EFCAB11: variants seen among roughly 807,000 people sequenced by gnomAD.
The protein encoded by EFCAB11 is EF-hand calcium-binding domain-containing protein 11.
Under a neutral mutation model 23.0 loss-of-function variants are expected in EFCAB11, and 14 were observed. The ratio of observed to expected loss-of-function variants is 0.61; its 90% confidence interval spans 0.40 to 0.95. EFCAB11 has a LOEUF of 0.95. Ranked by LOEUF, EFCAB11 falls within the 40% of genes least tolerant of loss-of-function variation. EFCAB11 has a pLI of 0.00. For missense variants in EFCAB11, 198 were observed against 195.8 expected (o/e 1.01, Z -0.07); for synonymous variants, 65 against 66.6 (o/e 0.98, Z 0.11).
At chr14:89,846,543 C>A (rs1005436983) in intron 5 of EFCAB11, among the ~76,000 whole-genome samples, 7 of 152,192 alleles carry the variant, frequency 4.6e-5, no homozygotes, top group African/African-American at 1.7e-4. Context: ...AACAATTGAT[C>A]TCTGATGGCA....
At chr14:89,923,765 A>C (rs1890093820) in intron 5 of EFCAB11, 1 of 985,448 alleles carries the variant, frequency 1.0e-6, no homozygotes, top group Middle Eastern at 5.2e-4. Flanking sequence ...ATCATTCTGA[A>C]GCACAAAATA....
At chr14:89,834,663 A>C (rs1436262866) in intron 5 of EFCAB11, among the ~76,000 whole-genome samples, 1 of 152,226 alleles carries the variant, frequency 6.6e-6, no homozygotes, top group African/African-American at 2.4e-5. Flanking sequence ...AAGAGTGCCC[A>C]ATACTGCAAG....
intron 5 of EFCAB11, among the ~76,000 whole-genome samples, chr14:89,921,063 T>TAAAAAAAAAAAAAAAAAAAAAAAAAAA (rs199585363): frequency 9.0e-6 from 1 of 111,566 alleles, no homozygotes; most frequent in African/African-American, 5.0e-5. Context: ...AGACTCTGTC[T>TAAAAAAAAAAAAAAAAAAAAAAAAAAA]AAAAAAAAAA....
chr14:89,954,762 C>T (rs1596477509), upstream of EFCAB11: 2 of 1,495,030 alleles, frequency 1.3e-6, no homozygotes, highest in South Asian at 1.3e-5. Context: ...GCTCAGGAAG[C>T]CGAACTTCAC....
At chr14:89,817,814 C>T (rs1002481834) in intron 5 of EFCAB11, among the ~76,000 whole-genome samples, 2 of 151,802 alleles carry the variant, frequency 1.3e-5, no homozygotes, top group African/African-American at 2.4e-5. Context: ...GCCAACATGG[C>T]GAAACCCCGT....
chr14:89,878,349 C>A (rs543406894), intron 5 of EFCAB11, among the ~76,000 whole-genome samples: 2 of 152,046 alleles, frequency 1.3e-5, no homozygotes, highest in Admixed American at 1.3e-4. Flanking sequence ...TTTTTAAATG[C>A]GTCTACTGGC....
At chr14:89,805,394 T>C (rs1308135608) in intron 5 of EFCAB11, among the ~76,000 whole-genome samples, 1 of 152,228 alleles carries the variant, frequency 6.6e-6, no homozygotes. Flanking sequence ...TGGCTACTAC[T>C]GGTTGGTAAA....
At chr14:89,825,346 C>T (rs570680934) in intron 5 of EFCAB11, among the ~76,000 whole-genome samples, 44 of 152,004 alleles carry the variant, frequency 2.9e-4, no homozygotes, top group African/African-American at 9.6e-4. Context: ...TAAAGCAGTC[C>T]TTAGATGGAA....
intron 5 of EFCAB11, among the ~76,000 whole-genome samples, chr14:89,809,634 C>T (rs1886085408): frequency 6.6e-6 from 1 of 152,178 alleles, no homozygotes; most frequent in Non-Finnish European, 1.5e-5. Flanking sequence ...TGCTCAAGCA[C>T]AGACGCACAG....
chr14:89,877,592 G>A (rs1196318838), intron 5 of EFCAB11, among the ~76,000 whole-genome samples: 1 of 152,164 alleles, frequency 6.6e-6, no homozygotes, highest in Non-Finnish European at 1.5e-5. Context: ...TATCTTAGCA[G>A]TGTGTCACAG....
At chr14:89,799,550 G>A (rs1234000442) in intron 5 of EFCAB11, 2 of 152,092 alleles carry the variant, frequency 1.3e-5, no homozygotes, top group African/African-American at 4.8e-5. Flanking sequence ...AAGCCCTCTT[G>A]TTTCTGTTAC....
At chr14:89,937,027 G>A (rs1890609749) in intron 3 of EFCAB11, among the ~76,000 whole-genome samples, 1 of 152,218 alleles carries the variant, frequency 6.6e-6, no homozygotes, top group South Asian at 2.1e-4. Flanking sequence ...ATACAATGTT[G>A]AGTCATTTGT....
chr14:89,922,056 T>C (rs936868412), intron 5 of EFCAB11, among the ~76,000 whole-genome samples: 2 of 152,328 alleles, frequency 1.3e-5, no homozygotes, highest in African/African-American at 4.8e-5. Context: ...CTGAAAGGGT[T>C]AGCAACATTT....
At position 89,954,641 on chromosome 14, in the gene EFCAB11, C is replaced by G. The variant is rs751475693; in HGVS notation, c.20G>C (p.Arg7Thr). 5.0e-6 allele frequency: 8 copies of G among 1,613,120 alleles called. No homozygotes were observed. Among genetic ancestry groups the G allele is most frequent in the Middle Eastern group, 1.6e-4 (1 of 6,062 alleles). The change falls in exon 1 of 6, where the codon AGA becomes ACA. Residue 7 changes from arginine to threonine, a missense_variant. Transcript: ENST00000316738. The stretch of plus-strand genomic sequence containing the variant: ...GGCTTCCCACGTCCGCGACCTGGCT[C>G]TGGCCTCGGAGAAGAACATCGCGAC... MFFSEARARSRTWEASP... is the reference protein window; with the variant it reads MFFSEATARSRTWEASP...
intron 5 of EFCAB11, among the ~76,000 whole-genome samples, chr14:89,914,787 A>AAAAGAAAAAAAAAAAAG: frequency 6.6e-6 from 1 of 152,064 alleles, no homozygotes; most frequent in Non-Finnish European, 1.5e-5. Context: ...CTTGGTCTCG[A>AAAAGAAAAAAAAAAAAG]AAAGAAAAAA....
At chr14:89,833,988 G>T (rs897982072) in intron 5 of EFCAB11, among the ~76,000 whole-genome samples, 3 of 152,074 alleles carry the variant, frequency 2.0e-5, no homozygotes, top group Admixed American at 2.0e-4. Flanking sequence ...AGCTATTATG[G>T]TTTTTTCCCC....
intron 5 of EFCAB11, among the ~76,000 whole-genome samples, chr14:89,867,793 T>C (rs2140158643): frequency 6.6e-6 from 1 of 152,298 alleles, no homozygotes; most frequent in African/African-American, 2.4e-5. Context: ...AGAGTTTTGC[T>C]GGGTTGGGGA....
chr14:89,899,349 G>T (rs963102692), intron 5 of EFCAB11, among the ~76,000 whole-genome samples: 12 of 152,186 alleles, frequency 7.9e-5, no homozygotes, highest in Non-Finnish European at 1.6e-4. Context: ...AGTGAGTATT[G>T]CAATAGGCAG....
chr14:89,830,648 G>A (rs1335078461), intron 5 of EFCAB11: 1 of 152,098 alleles, frequency 6.6e-6, no homozygotes, highest in Non-Finnish European at 1.5e-5. Context: ...AGCTTATAAA[G>A]TACCTTCTAC....
Sources: allele counts gnomAD v4.1 joint callset (sites outside exome capture counted in the v4.1 genomes callset), GRCh38; gene constraint gnomAD v4.1.1; transcripts MANE v1.5; gene names NCBI Gene and HGNC (gene_info 2026-07-23, HGNC 2026-07-21).